The following PSG6 variants were observed in gnomAD, a reference collection of about 807,000 sequenced individuals.
The protein encoded by PSG6 is pregnancy-specific beta-1-glycoprotein 6.
In PSG6, 51 loss-of-function variants were observed where a neutral mutation model predicts 43.3. The observed-to-expected ratio is 1.18, with a 90% CI of 0.94 to 1.49. The LOEUF (loss-of-function observed/expected upper bound fraction) is 1.49. Among genes scored for constraint, PSG6 ranks in the 40% most tolerant of loss-of-function variants. The pLI is 0.00. For missense variants in PSG6, 770 were observed against 522.2 expected (o/e 1.47, Z -4.62); for synonymous variants, 292 against 197.6 (o/e 1.48, Z -4.01).
In PSG6 at chr19:42,906,494, C is replaced by G. The variant is rs763090394; in HGVS notation, c.1240+428G>C. 5.8e-5 allele frequency: 71 copies of G among 1,229,226 alleles called. 1 individual carries two copies. Among genetic ancestry groups the G allele is most frequent in the Non-Finnish European group, 6.8e-5 (66 of 973,478 alleles). 76.1% of individuals were successfully genotyped at this position (1,229,226 alleles called of 1,614,324 possible). On this transcript the variant is annotated intron_variant, in intron 5 of 5. Coordinates refer to ENST00000187910, the MANE Select transcript of PSG6 (RefSeq NM_001031850.4). ...CCTCCCTCACCCAAAGGGCTTCCTC[C>G]TCTCATTTGGGGGAAAAGTGTGAGC...
chr19:42,907,316 C>A, intron 4 of PSG6, 140 bp from the exon 5 acceptor site: 2 of 1,478,682 alleles, frequency 1.4e-6, no homozygotes, highest in Non-Finnish European at 1.8e-6. Flanking sequence ...TTTACTAAGC[C>A]CAAGCCTGAG....
rs770292507 is a variant in PSG6, at chr19:42,907,845, G to A, written c.716C>T (p.Pro239Leu). ...PVTLNLLPKL[P>L]MPYITINNLN... ...GTTGTTGATGGTGATGTAAGGCATG[G>A]GCAGCTTCGCTGTGTGGATAACAGA... The change falls in exon 4 of 6, where the codon CCC (proline) becomes CTC (leucine). Residue 239 changes from proline to leucine, a missense_variant. Transcript: ENST00000187910. The A allele has an allele frequency of 6.2e-6, 10 of 1,611,116 alleles. No individual in the cohort carries two copies. The Admixed American group carries it at 1.7e-4, about 27-fold the overall frequency.
In PSG6 at chr19:42,910,757, A is replaced by T; in HGVS notation, c.529T>A (p.Tyr177Asn). Residue 177 changes from tyrosine (Y) to asparagine (N), a missense_variant, in exon 3 of 6, where the codon TAC (tyrosine) becomes AAC (asparagine). By Grantham distance (143) the Tyr-to-Asn change is moderately radical. Coordinates refer to ENST00000187910, the MANE Select transcript of PSG6 (RefSeq NM_001031850.4). ...ICDPETPDASYLWLLNGQNLP... is the reference protein window; with the variant it reads ...ICDPETPDASNLWLLNGQNLP... ...TTCTGACCATTCAGCAACCACAGGTAGCTTGCATCCGGAGTCTCAGGATCA... is the reference window on the plus strand; with the variant it reads ...TTCTGACCATTCAGCAACCACAGGTTGCTTGCATCCGGAGTCTCAGGATCA... 2.5e-6 allele frequency: 4 copies of T among 1,612,406 alleles called. No homozygotes were observed. The highest frequency in any genetic ancestry group is 3.4e-6 in the Non-Finnish European group (4 of 1,179,256).
rs1972201550 is a variant in PSG6, at chr19:42,910,616, C to A, written c.670G>T (p.Ala224Ser). The change falls in exon 3 of 6, where the codon GCC becomes TCC. Residue 224 changes from alanine to serine, a missense_variant. Coordinates refer to ENST00000187910, the MANE Select transcript of PSG6 (RefSeq NM_001031850.4). The part of the protein sequence containing the change: ...YECEIRNPVS[A>S]SRSDPVTLNL... ...AGGGTGACTGGGTCACTGCGGCTGG[C>A]ACTCACTGGGTTCCGTATTTCACAT... The A allele has an allele frequency of 6.2e-7, 1 of 1,612,382 alleles. No individual in the cohort carries two copies. Among genetic ancestry groups the A allele is most frequent in the South Asian group, 1.1e-5 (1 of 90,652 alleles).
At chr19:42,910,522 T>C in intron 3 of PSG6, 58 bp downstream of exon 3, 1 of 1,612,480 alleles carries the variant, frequency 6.2e-7, no homozygotes, top group Non-Finnish European at 8.5e-7. Flanking sequence ...AGGCCTGGCC[T>C]CTGGCCACTT....
In PSG6 at chr19:42,906,164, C is replaced by G. The variant is rs367760752; in HGVS notation, c.1240+758G>C. 6.8e-4 allele frequency among the ~76,000 whole-genome samples: 103 copies of G among 151,736 alleles called. 6 individuals are homozygous for G. In the South Asian group the frequency reaches 0.021, roughly 31 times the overall value. On this transcript the variant is annotated intron_variant, in intron 5 of 5. Transcript: ENST00000187910. ...GGTGAATCTCCCTATTTCTCTAGCT[C>G]TGCATCAGTCACTGTCCTCCGTGCT...
Position 42,910,782 on chromosome 19 carries a change from A to T in PSG6, c.504T>A (p.Cys168Ter). 1 of 1,612,392 alleles carries T rather than the reference A, an allele frequency of 6.2e-7. No homozygotes were observed. The highest frequency in any genetic ancestry group is 1.1e-5 in the South Asian group (1 of 90,614). Residue 168 changes from cysteine to a stop codon, truncating the protein, a stop_gained, in exon 3 of 6, where the codon TGT becomes TGA. Coordinates refer to ENST00000187910, the MANE Select transcript of PSG6 (RefSeq NM_001031850.4). LOFTEE classifies it high-confidence loss of function. ...AGCTTGCATCCGGAGTCTCAGGATC[A>T]CAGATTAAGCGCACAGCCTCCATGA... ...REVMEAVRLI[C>*]DPETPDASYL... is the part of the protein sequence containing the mutation.
chr19:42,916,066 G>A, intron 2 of PSG6, 59 bp downstream of exon 2: 1 of 1,601,122 alleles, frequency 6.2e-7, no homozygotes, highest in Admixed American at 1.7e-5. Flanking sequence ...AATTCTGTGT[G>A]TGTGAAGTAG....
intron 2 of PSG6, among the ~76,000 whole-genome samples, chr19:42,912,013 C>T (rs1389129437): frequency 6.6e-6 from 1 of 151,644 alleles, no homozygotes; most frequent in African/African-American, 2.4e-5. Flanking sequence ...AGATACAGTG[C>T]TCCTTATGCA....
chr19:42,907,011 G>A lies in PSG6; in HGVS notation c.1151C>T (p.Thr384Ile). The change falls in exon 5 of 6, where the codon ACT becomes ATT. Residue 384 changes from threonine (T) to isoleucine (I), a missense_variant. Coordinates refer to ENST00000187910, the MANE Select transcript of PSG6 (RefSeq NM_001031850.4). ...AGCATAGAGCCCGCTATGATTTGTAGTAATTTGGGGGATAAAGAGCTTTTG... is the reference window on the plus strand; with the variant it reads ...AGCATAGAGCCCGCTATGATTTGTAATAATTTGGGGGATAAAGAGCTTTTG... ...SGQKLFIPQI[T>I]TNHSGLYACS... The A allele has an allele frequency of 6.2e-7, 1 of 1,612,520 alleles. No homozygotes were observed. Among genetic ancestry groups the A allele is most frequent in the East Asian group, 2.2e-5 (1 of 44,802 alleles).
Position 42,908,032 on chromosome 19 carries a change from T to G in PSG6, c.707-178A>C, listed in dbSNP as rs183932953. ...CTAAGGGCTCAAAGACTGTGAGGCC[T>G]CCTGCTCTGTCTTAGGGAAGCACAG... On this transcript the variant is annotated intron_variant, in intron 3 of 5. Coordinates refer to ENST00000187910, the MANE Select transcript of PSG6 (RefSeq NM_001031850.4). The G allele has an allele frequency of 1.1e-3, 1,155 of 1,038,864 alleles. 18 individuals carry two copies. The highest frequency in any genetic ancestry group is 1.9e-3 in the Admixed American group (72 of 37,146). 64.4% of individuals were successfully genotyped at this position (1,038,864 alleles called of 1,614,324 possible).
intron 4 of PSG6, among the ~76,000 whole-genome samples, 192 bp from the exon 5 acceptor site, chr19:42,907,368 T>A (rs1380656512): frequency 6.6e-6 from 1 of 151,902 alleles, no homozygotes; most frequent in Non-Finnish European, 1.5e-5. Flanking sequence ...GGGCCCCTAG[T>A]GTCCCATGAC....
At chr19:42,911,051 G>C (rs1011426717) in intron 2 of PSG6, among the ~76,000 whole-genome samples, 193 bp from the exon 3 acceptor site, 1 of 151,558 alleles carries the variant, frequency 6.6e-6, no homozygotes, top group Non-Finnish European at 1.5e-5. Context: ...CCTGCTTTAT[G>C]TAGGAGAAGC....
In PSG6 at chr19:42,907,044, A is replaced by T. The variant is rs376477211; in HGVS notation, c.1118T>A (p.Leu373Gln). 3.0e-5 allele frequency: 49 copies of T among 1,612,518 alleles called. 3 individuals are homozygous for T. The highest frequency in any genetic ancestry group is 1.3e-4 in the African/African-American group (10 of 74,740). Residue 373 changes from leucine to glutamine, a missense_variant, in exon 5 of 6, where the codon CTA (leucine) becomes CAA (glutamine). Transcript: ENST00000187910. ...GGGGATAAAGAGCTTTTGTCCTGAT[A>T]GCTGAAACTTCCCATTAATTGTCCA... ...YSWTINGKFQ[L>Q]SGQKLFIPQI...
intron 5 of PSG6, chr19:42,906,584 C>T (rs1972115924): frequency 2.3e-6 from 3 of 1,331,236 alleles, no homozygotes; most frequent in African/African-American, 3.0e-5. Flanking sequence ...AAAGACATGG[C>T]AGAAGGGGAT....
chr19:42,903,257 T>C (rs1450049939), intron 5 of PSG6, among the ~76,000 whole-genome samples: 1 of 151,616 alleles, frequency 6.6e-6, no homozygotes, highest in Non-Finnish European at 1.5e-5. Flanking sequence ...AGTACTCTTA[T>C]TGCAATTTTC....
intron 3 of PSG6, among the ~76,000 whole-genome samples, chr19:42,909,381 G>T (rs762075561): frequency 6.6e-6 from 1 of 151,616 alleles, no homozygotes; most frequent in South Asian, 2.1e-4. Context: ...CTCAGTGTTT[G>T]TGTTGTGGCA....
rs1261119949 is a variant in PSG6 at position 42,906,078 on chromosome 19, G to A, written c.1240+844C>T. ...TATATATAAAGTGTCTCGTGGTCTT[G>A]CCCTCTCTATAATTACACACTTTTT... On this transcript the variant is annotated intron_variant, in intron 5 of 5. Transcript: ENST00000187910. Among the ~76,000 whole-genome samples the A allele has an allele frequency of 8.6e-5, 13 of 151,580 alleles. 1 individual carries two copies. Among genetic ancestry groups the A allele is most frequent in the African/African-American group, 1.2e-4 (5 of 41,266 alleles).
chr19:42,915,357 T>A (rs538321860), intron 2 of PSG6: 22 of 152,044 alleles, frequency 1.4e-4, no homozygotes, highest in African/African-American at 5.3e-4. Context: ...ATTAATTTGC[T>A]TCCATGAGAA....
Sources: allele counts gnomAD v4.1 joint callset (sites outside exome capture counted in the v4.1 genomes callset), GRCh38; gene constraint gnomAD v4.1.1; transcripts MANE v1.5; gene names NCBI Gene and HGNC (gene_info 2026-07-23, HGNC 2026-07-21).